The following CCDC28A variants were observed in gnomAD, a reference collection of about 807,000 sequenced individuals.
CCDC28A encodes the protein coiled-coil domain containing 28A, also known as coiled-coil domain-containing protein 28A.
In CCDC28A, 24 loss-of-function variants were observed where a neutral mutation model predicts 22.1. The ratio of observed to expected loss-of-function variants is 1.09; its 90% CI spans 0.79 to 1.53. The LOEUF is 1.53. Among genes scored for constraint, CCDC28A ranks in the 40% most tolerant of loss-of-function variants. The pLI, the probability that CCDC28A is intolerant of heterozygous loss-of-function variation, is 0.00. For missense variants in CCDC28A, 170 were observed against 210.7 expected (o/e 0.81, Z 1.20); for synonymous variants, 83 against 74.7 (o/e 1.11, Z -0.57).
intron 5 of CCDC28A, among the ~76,000 whole-genome samples, chr6:138,788,591 T>C (rs1254533022): frequency 1.4e-5 from 2 of 145,642 alleles, no homozygotes; most frequent in African/African-American, 2.6e-5. Flanking sequence ...TTTTTTTTTT[T>C]CAGAGACAGG....
At position 138,790,780 on chromosome 6, in the gene CCDC28A, T is replaced by C. The variant is rs1775159049; in HGVS notation, c.501-1969T>C. ...CAAGGACCATGGCAGACATTGCTAATCAGACATGGCATTCTCTGCCATTGA... is the reference window on the plus strand; with the variant it reads ...CAAGGACCATGGCAGACATTGCTAACCAGACATGGCATTCTCTGCCATTGA... On this transcript the variant is annotated intron_variant, in intron 5 of 5. Coordinates refer to ENST00000617445, the MANE Select transcript of CCDC28A (RefSeq NM_015439.3). Among the ~76,000 whole-genome samples the C allele has an allele frequency of 2.6e-5, 4 of 152,238 alleles. No individual in the cohort carries two copies. The South Asian group carries it at 6.2e-4, about 24-fold the overall frequency.
intron 3 of CCDC28A, among the ~76,000 whole-genome samples, chr6:138,780,236 A>G (rs1014539956): frequency 6.6e-6 from 1 of 152,182 alleles, no homozygotes; most frequent in African/African-American, 2.4e-5. Flanking sequence ...TGGAATAAGT[A>G]TCTTGCAAGT....
intron 1 of CCDC28A, 24 bp downstream of exon 1, chr6:138,773,926 C>T (rs199735705): frequency 9.9e-6 from 16 of 1,608,580 alleles, no homozygotes; most frequent in Admixed American, 1.7e-5. Flanking sequence ...GCAAAGGAAC[C>T]TCCGCAACCT....
intron 5 of CCDC28A, among the ~76,000 whole-genome samples, chr6:138,791,519 TTCTTAATAATTTGGTC>T (rs1335480409): frequency 6.6e-6 from 1 of 152,212 alleles, no homozygotes; most frequent in Admixed American, 6.5e-5. Flanking sequence ...ATTTTAAAGG[TTCTTAATAATTTGGTC>T]ACAACCTGTA....
chr6:138,773,816 G>C lies in CCDC28A; in HGVS notation c.-129G>C, dbSNP rs752271453. Reference sequence around the variant, plus strand: ...GAGCGGGTCCCGGGATGTGACCGGGGCTCTGCTTGTGGCTGCGGCGGTGGC... The same window carrying C: ...GAGCGGGTCCCGGGATGTGACCGGGCCTCTGCTTGTGGCTGCGGCGGTGGC... On this transcript the variant is annotated 5_prime_UTR_variant, in exon 1 of 6. Transcript: ENST00000617445. The C allele has an allele frequency of 2.5e-6, 4 of 1,614,128 alleles. No individual in the cohort carries two copies. The highest frequency in any genetic ancestry group is 2.7e-5 in the African/African-American group (2 of 75,042).
intron 3 of CCDC28A, among the ~76,000 whole-genome samples, chr6:138,784,880 G>T (rs1194518020): frequency 6.6e-6 from 1 of 152,072 alleles, no homozygotes; most frequent in Non-Finnish European, 1.5e-5. Context: ...TTTTAGTAGA[G>T]ACTAGGTTTC....
intron 5 of CCDC28A, 61 bp from the exon 6 acceptor site, chr6:138,792,688 T>G (rs1775189544): frequency 1.9e-6 from 2 of 1,047,092 alleles, no homozygotes; most frequent in East Asian, 4.7e-5. Flanking sequence ...GAATGTAATT[T>G]TCAGAAATGT....
chr6:138,785,450 C>G (rs1425218179), intron 4 of CCDC28A, 69 bp downstream of exon 4: 4 of 1,176,030 alleles, frequency 3.4e-6, no homozygotes, highest in Non-Finnish European at 5.0e-6. Flanking sequence ...ACCTTTTGAA[C>G]TATTTTAATG....
At chr6:138,782,166 C>G (rs565141746) in intron 3 of CCDC28A, among the ~76,000 whole-genome samples, 17 of 152,208 alleles carry the variant, frequency 1.1e-4, no homozygotes, top group Non-Finnish European at 2.1e-4. Context: ...CTCTATGTTG[C>G]CTTTGTGTTT....
intron 4 of CCDC28A, among the ~76,000 whole-genome samples, chr6:138,786,835 T>C (rs1251410657): frequency 6.6e-6 from 1 of 152,192 alleles, no homozygotes; most frequent in African/African-American, 2.4e-5. Flanking sequence ...AGGCTGGTCT[T>C]GAACTCCTGG....
Position 138,792,965 on chromosome 6 carries a change from C to G in CCDC28A, c.*162C>G, listed in dbSNP as rs545413569. 9.9e-6 allele frequency: 6 copies of G among 604,930 alleles called. No individual in the cohort carries two copies. Among genetic ancestry groups the G allele is most frequent in the African/African-American group, 5.6e-5 (3 of 54,044 alleles). 37.5% of individuals were successfully genotyped at this position (604,930 alleles called of 1,614,324 possible). On this transcript the variant is annotated 3_prime_UTR_variant, in exon 6 of 6. Coordinates refer to ENST00000617445, the MANE Select transcript of CCDC28A (RefSeq NM_015439.3). ...CTTACTGCTTTTAGTAAATGTGACT[C>G]GCTGTAATTCACCATAACTGGAGGC...
intron 3 of CCDC28A, among the ~76,000 whole-genome samples, chr6:138,780,729 G>A (rs1452615889): frequency 1.3e-5 from 2 of 151,606 alleles, no homozygotes; most frequent in African/African-American, 4.8e-5. Context: ...CATGTGCCAC[G>A]GCCAGCTAAT....
intron 2 of CCDC28A, among the ~76,000 whole-genome samples, chr6:138,779,273 G>C (rs1463306895): frequency 6.6e-6 from 1 of 152,168 alleles, no homozygotes. Context: ...TAATTGATAG[G>C]ACTTCATGAC....
chr6:138,777,905 G>A (rs1038760995), intron 2 of CCDC28A, among the ~76,000 whole-genome samples: 2 of 152,026 alleles, frequency 1.3e-5, no homozygotes, highest in South Asian at 2.1e-4. Flanking sequence ...TGGATCTCTC[G>A]GGGATTTTTT....
intron 1 of CCDC28A, among the ~76,000 whole-genome samples, chr6:138,775,156 G>A (rs1368904288): frequency 1.3e-5 from 2 of 152,198 alleles, no homozygotes; most frequent in African/African-American, 2.4e-5. Context: ...AGCCAGGATG[G>A]TCTCGATCTC....
At chr6:138,792,446 CAGGAGTTCA>C (rs1424647273) in intron 5 of CCDC28A, among the ~76,000 whole-genome samples, 1 of 151,814 alleles carries the variant, frequency 6.6e-6, no homozygotes, top group Non-Finnish European at 1.5e-5. Context: ...TGCTTGAGCC[CAGGAGTTCA>C]AGGCTACAGT....
intron 4 of CCDC28A, among the ~76,000 whole-genome samples, chr6:138,787,263 T>C (rs1775107412): frequency 6.6e-6 from 1 of 152,142 alleles, no homozygotes; most frequent in Non-Finnish European, 1.5e-5. Flanking sequence ...AATGTCCTTA[T>C]AAAAGAGGCC....
At chr6:138,776,682 A>G (rs1209359713) in intron 2 of CCDC28A, among the ~76,000 whole-genome samples, 1 of 150,632 alleles carries the variant, frequency 6.6e-6, no homozygotes, top group East Asian at 2.0e-4. Context: ...TTACACACAC[A>G]CATATATATA....
rs550105671 is a variant in CCDC28A at position 138,786,441 on chromosome 6, G to A, written c.477+1060G>A. Among the ~76,000 whole-genome samples, 37 of 152,264 alleles carry A rather than the reference G, an allele frequency of 2.4e-4. 1 individual carries two copies. Among genetic ancestry groups the A allele is most frequent in the African/African-American group, 6.7e-4 (28 of 41,550 alleles). On this transcript the variant is annotated intron_variant, in intron 4 of 5. Coordinates refer to ENST00000617445, the MANE Select transcript of CCDC28A (RefSeq NM_015439.3). ...TAAAAATTGAATTCAACACACGTTA[G>A]TTTTAGATTCCCTATTAACTATTGA...
Sources: gnomAD v4.1 joint callset for allele counts (sites outside exome capture counted in the v4.1 genomes callset) on GRCh38, gnomAD v4.1.1 for gene constraint, MANE v1.5 for transcripts, NCBI Gene and HGNC (gene_info 2026-07-23, HGNC 2026-07-21) for gene names.